Variants in ARB2A observed in about 807,000 individuals in gnomAD.
ARB2A encodes the protein ARB2 cotranscriptional regulator A, also known as cotranscriptional regulator ARB2A.
chr5:93,877,090 C>T, the ARB2A span, among the ~76,000 whole-genome samples: 28 of 152,210 alleles, frequency 1.8e-4, no homozygotes, highest in Middle Eastern at 3.4e-3. Flanking sequence ...TTGGACTTTT[C>T]GTTTTGTGTC....
chr5:93,696,666 GCA>G, the ARB2A span, among the ~76,000 whole-genome samples: 4 of 152,124 alleles, frequency 2.6e-5, no homozygotes, highest in Non-Finnish European at 5.9e-5. Context: ...TGTGGAGAAT[GCA>G]GTAGTAAGAG....
chr5:94,098,789 A>G, the ARB2A span, among the ~76,000 whole-genome samples: 2 of 152,228 alleles, frequency 1.3e-5, no homozygotes, highest in Admixed American at 1.3e-4. Flanking sequence ...GCAGTTACTA[A>G]GGGAATGTTA....
chr5:94,110,249 C>T, the ARB2A span, among the ~76,000 whole-genome samples: 1 of 151,458 alleles, frequency 6.6e-6, no homozygotes, highest in African/African-American at 2.5e-5. Flanking sequence ...TCTCCATCCA[C>T]TAGAATGTAA....
the ARB2A span, among the ~76,000 whole-genome samples, chr5:93,817,364 G>T: frequency 6.6e-6 from 1 of 152,018 alleles, no homozygotes; most frequent in African/African-American, 2.4e-5. Flanking sequence ...CCATTGTCAC[G>T]GATTAGAAGA....
the ARB2A span, among the ~76,000 whole-genome samples, chr5:94,108,708 C>G: frequency 2.6e-5 from 4 of 151,806 alleles, no homozygotes; most frequent in African/African-American, 9.7e-5. Context: ...ATCAAAAAAA[C>G]AAAAAATGTG....
the ARB2A span, among the ~76,000 whole-genome samples, chr5:93,983,913 T>C: frequency 2.0e-5 from 3 of 152,110 alleles, no homozygotes; most frequent in Non-Finnish European, 2.9e-5. Flanking sequence ...TCAAGAAAGA[T>C]AAAGAGAAGA....
At chr5:93,899,327 G>A in the ARB2A span, among the ~76,000 whole-genome samples, 2 of 152,122 alleles carry the variant, frequency 1.3e-5, no homozygotes, top group African/African-American at 4.8e-5. Context: ...TGTGTTTCAG[G>A]TGGTCTTCTA....
the ARB2A span, among the ~76,000 whole-genome samples, chr5:93,840,038 G>A: frequency 6.6e-6 from 1 of 152,030 alleles, no homozygotes; most frequent in Non-Finnish European, 1.5e-5. Context: ...TCTGATTTTG[G>A]TTATTTCTTG....
chr5:93,869,280 G>A, the ARB2A span, among the ~76,000 whole-genome samples: 1 of 152,142 alleles, frequency 6.6e-6, no homozygotes, highest in Non-Finnish European at 1.5e-5. Context: ...TGAAGGTTGT[G>A]GGAGTAGAGA....
chr5:93,858,483 T>C, the ARB2A span, among the ~76,000 whole-genome samples: 60 of 152,304 alleles, frequency 3.9e-4, 1 homozygote, highest in Non-Finnish European at 6.2e-4. Flanking sequence ...CACTTCTTAA[T>C]TGTCATTACA....
At chr5:93,744,673 A>G in the ARB2A span, among the ~76,000 whole-genome samples, 1 of 152,136 alleles carries the variant, frequency 6.6e-6, no homozygotes, top group African/African-American at 2.4e-5. Flanking sequence ...AAATGGGGTT[A>G]GCAGGGAAAC....
At chr5:93,630,804 T>C in the ARB2A span, among the ~76,000 whole-genome samples, 1 of 152,120 alleles carries the variant, frequency 6.6e-6, no homozygotes, top group Non-Finnish European at 1.5e-5. Flanking sequence ...CCAGGCGCGA[T>C]GGCATGCACC....
At chr5:94,025,831 GC>G in the ARB2A span, among the ~76,000 whole-genome samples, 53 of 152,294 alleles carry the variant, frequency 3.5e-4, no homozygotes, top group East Asian at 9.9e-3. Flanking sequence ...CCCTGCCGAG[GC>G]CTTGCTTGGG....
chr5:93,709,249 G>A, the ARB2A span, among the ~76,000 whole-genome samples: 1 of 151,996 alleles, frequency 6.6e-6, no homozygotes, highest in African/African-American at 2.4e-5. Context: ...CCAAGACAGG[G>A]TCCCAGATTT....
At chr5:93,638,453 T>A in the ARB2A span, among the ~76,000 whole-genome samples, 6 of 152,348 alleles carry the variant, frequency 3.9e-5, no homozygotes, top group East Asian at 1.2e-3. Context: ...CTTTTTTCTT[T>A]TTAATACTGC....
At chr5:93,711,640 A>G in the ARB2A span, among the ~76,000 whole-genome samples, 1 of 152,236 alleles carries the variant, frequency 6.6e-6, no homozygotes, top group Non-Finnish European at 1.5e-5. Flanking sequence ...ATCAACCAAA[A>G]GCAAAAAAAC....
chr5:93,780,705 G>A, the ARB2A span, among the ~76,000 whole-genome samples: 38 of 152,042 alleles, frequency 2.5e-4, no homozygotes, highest in South Asian at 5.8e-3. Context: ...GATTACGGGC[G>A]CCTGCCACCA....
chr5:93,916,410 A>G, the ARB2A span, among the ~76,000 whole-genome samples: 1 of 152,178 alleles, frequency 6.6e-6, no homozygotes, highest in Admixed American at 6.6e-5. Flanking sequence ...ATGTATATTT[A>G]CAATGTATTA....
At chr5:93,657,845 C>T in the ARB2A span, among the ~76,000 whole-genome samples, 1 of 152,072 alleles carries the variant, frequency 6.6e-6, no homozygotes, top group East Asian at 1.9e-4. Flanking sequence ...TGATTCAATC[C>T]CCAGGCTGTA....
Sources: gnomAD v4.1 joint callset for allele counts (sites outside exome capture counted in the v4.1 genomes callset) on GRCh38, gnomAD v4.1.1 for gene constraint, MANE v1.5 for transcripts, NCBI Gene and HGNC (gene_info 2026-07-23, HGNC 2026-07-21) for gene names.